LENG8: variants seen among roughly 807,000 people sequenced by gnomAD.
LENG8 encodes the protein leukocyte receptor cluster member 8, also known as leukocyte receptor cluster (LRC) member 8.
A neutral mutation model predicts 102.1 loss-of-function variants in LENG8; 28 were observed. The ratio of observed to expected loss-of-function variants is 0.27; its 90% CI spans 0.20 to 0.38. The LOEUF (loss-of-function observed/expected upper bound fraction) is 0.38, where lower values mean the gene tolerates loss of function less well. Among genes scored for constraint, LENG8 ranks in the 10% least tolerant of loss-of-function variants. The probability of loss-of-function intolerance (pLI) is 1.00; values close to 1 mark genes in which losing one functional copy is unlikely to be tolerated. For synonymous variants in LENG8, 531 were observed against 456.7 expected (o/e 1.16, Z -2.07); for missense variants, 1,022 against 1,113.9 (o/e 0.92, Z 1.17).
At chr19:54,450,443 TTCTTC>T (rs1215304342) in intron 1 of LENG8, among the ~76,000 whole-genome samples, 7 of 152,016 alleles carry the variant, frequency 4.6e-5, no homozygotes, top group Admixed American at 6.6e-5. Context: ...TCTCAAAATT[TTCTTC>T]TCTTCTCCAA....
In LENG8 at chr19:54,461,078, C is replaced by G; in HGVS notation, c.*150C>G. 8.5e-7 allele frequency: 1 copy of G among 1,172,492 alleles called. No homozygotes were observed. The highest frequency in any genetic ancestry group is 1.2e-6 in the Non-Finnish European group (1 of 825,698). 72.6% of individuals were successfully genotyped at this position (1,172,492 alleles called of 1,614,324 possible). A position where few individuals can be genotyped will look rare whatever the true frequency, so the allele number is the denominator to read the frequency against. On this transcript the variant is annotated 3_prime_UTR_variant, in exon 16 of 16. Coordinates refer to ENST00000326764, the MANE Select transcript of LENG8 (RefSeq NM_052925.4). The stretch of plus-strand genomic sequence containing the variant: ...ACCATCCCTGCCCCCGTTTTCCCAC[C>G]GGGGAGTCTGTACAGAGATTTTTCT...
rs2084566694 is a variant in LENG8, at chr19:54,461,621, A to G, written c.*693A>G. 2 of 470,710 alleles carry G rather than the reference A, an allele frequency of 4.2e-6. No homozygotes were observed. The highest frequency in any genetic ancestry group is 2.0e-5 in the African/African-American group (1 of 49,102). The allele number at this position is 470,710 out of a possible 1,614,324, so 29.2% of individuals were successfully genotyped here. A position where few individuals can be genotyped will look rare whatever the true frequency, so the allele number is the denominator to read the frequency against. On this transcript the variant is annotated 3_prime_UTR_variant, in exon 16 of 16. Transcript: ENST00000326764. Reference sequence around the variant, plus strand: ...CCCTCTGCCCCCAGTGTTTCTTCTGATTTTTTTTTCCCCTTTCCCTCCCTC... The same window carrying G: ...CCCTCTGCCCCCAGTGTTTCTTCTGGTTTTTTTTTCCCCTTTCCCTCCCTC...
chr19:54,451,051 C>A (rs1422781250), intron 1 of LENG8, among the ~76,000 whole-genome samples: 1 of 152,150 alleles, frequency 6.6e-6, no homozygotes, highest in Non-Finnish European at 1.5e-5. Flanking sequence ...GCTCTGGCTT[C>A]CCTGTTTCCA....
At position 54,461,375 on chromosome 19, in the gene LENG8, C is replaced by T. The variant is rs1027800335; in HGVS notation, c.*447C>T. 30 of 458,526 alleles carry T rather than the reference C, an allele frequency of 6.5e-5. 1 individual carries two copies. Among genetic ancestry groups the T allele is most frequent in the African/African-American group, 1.6e-4 (8 of 50,302 alleles). 28.4% of individuals were successfully genotyped at this position (458,526 alleles called of 1,614,324 possible). A position where few individuals can be genotyped will look rare whatever the true frequency, so the allele number is the denominator to read the frequency against. ...GCACCCAGCAAGCCCGCCCACCGCC[C>T]GCTGCCTCACCTGCTTCGCCACAGA... On this transcript the variant is annotated 3_prime_UTR_variant, in exon 16 of 16. Transcript: ENST00000326764.
At chr19:54,459,589 G>C (rs866236230) in intron 15 of LENG8, 1 of 989,946 alleles carries the variant, frequency 1.0e-6, no homozygotes, top group South Asian at 4.6e-5. Context: ...GGCCCTCCAC[G>C]TGAGGTCATG....
At chr19:54,460,442 G>C (rs112395989) in intron 15 of LENG8, 7 of 1,280,730 alleles carry the variant, frequency 5.5e-6, no homozygotes, top group Middle Eastern at 6.2e-4. Flanking sequence ...CCCATCCCCT[G>C]CCACGTGCTG....
chr19:54,456,121 C>T lies in LENG8; in HGVS notation c.1180C>T (p.Arg394Trp), dbSNP rs149129915. 26 of 1,610,548 alleles carry T rather than the reference C, an allele frequency of 1.6e-5. No individual in the cohort carries two copies. Among genetic ancestry groups the T allele is most frequent in the African/African-American group, 6.7e-5 (5 of 74,962 alleles). Residue 394 changes from arginine to tryptophan, a missense_variant, in exon 9 of 16, where the codon CGG becomes TGG. Coordinates refer to ENST00000326764, the MANE Select transcript of LENG8 (RefSeq NM_052925.4). ...TPGAGGAGRA[R>W]GNSFTKFGNR... ...CGGGGCTGGGGGTGCCGGTCGAGCC[C>T]GGGGCAACAGCTTCACCAAGTTTGG...
Position 54,455,517 on chromosome 19 carries a change from G to A in LENG8, c.975G>A (p.Leu325=). 1 of 1,613,846 alleles carries A rather than the reference G, an allele frequency of 6.2e-7. No homozygotes were observed. ...KLLKEVLQAR[L]QDGSAYTIDW... Reference sequence around the variant, plus strand: ...TCAAGGAGGTGCTGCAGGCGCGGCTGCAGGACGGCTCGGCCTATACCATTG... The same window carrying A: ...TCAAGGAGGTGCTGCAGGCGCGGCTACAGGACGGCTCGGCCTATACCATTG... Residue 325 remains leucine, a synonymous_variant, in exon 8 of 16, where the codon CTG becomes CTA. Transcript: ENST00000326764.
intron 15 of LENG8, 154 bp from the exon 16 acceptor site, chr19:54,460,610 CCT>C (rs754315332): frequency 6.7e-4 from 954 of 1,429,830 alleles, no homozygotes; most frequent in Non-Finnish European, 8.2e-4. Context: ...CCCCCGAGCC[CCT>C]GAGGTGGGGA....
intron 6 of LENG8, 28 bp downstream of exon 6, chr19:54,454,710 C>T (rs3813147): frequency 5.8e-5 from 90 of 1,563,188 alleles, no homozygotes; most frequent in Non-Finnish European, 7.0e-5. Flanking sequence ...CGTGGAGGTC[C>T]GAGCGGTTGG....
At chr19:54,460,050 C>G (rs3745437) in intron 15 of LENG8, 2 of 1,287,042 alleles carry the variant, frequency 1.6e-6, no homozygotes, top group Non-Finnish European at 2.0e-6. Context: ...CACCTTCCCC[C>G]CAAGGAGGCT....
rs976284644 is a variant in LENG8, at chr19:54,452,088, T to C, written c.39-5T>C. ...GGTGTGACTTGATGTCCTCTCTCTC[T>C]GCAGGTCTTCTCAGTACAGCATGGT... is the stretch of plus-strand genomic sequence containing the variant. On this transcript the variant is annotated splice_polypyrimidine_tract_variant and splice_region_variant and intron_variant, in intron 2 of 15. Transcript: ENST00000326764. 1.2e-6 allele frequency: 2 copies of C among 1,606,810 alleles called. No homozygotes were observed. Among genetic ancestry groups the C allele is most frequent in the Non-Finnish European group, 1.7e-6 (2 of 1,174,402 alleles).
At chr19:54,450,917 G>T (rs1009512140) in intron 1 of LENG8, among the ~76,000 whole-genome samples, 8 of 152,126 alleles carry the variant, frequency 5.3e-5, no homozygotes, top group African/African-American at 1.2e-4. Context: ...ACCGCGCCTG[G>T]CCCCTAGAAT....
At position 54,453,612 on chromosome 19, in the gene LENG8, C is replaced by T. The variant is rs2084068935; in HGVS notation, c.382C>T (p.Pro128Ser). 1 of 1,613,968 alleles carries T rather than the reference C, an allele frequency of 6.2e-7. No individual in the cohort carries two copies. The highest frequency in any genetic ancestry group is 8.5e-7 in the Non-Finnish European group (1 of 1,179,976). ...GMAGSYGSAT[P>S]QQPSAPQHQG... The stretch of plus-strand genomic sequence containing the variant: ...GGCCGGCTCCTATGGCTCAGCCACA[C>T]CCCAGCAGCCATCCGCACCCCAACA... Residue 128 changes from proline (P) to serine (S), a missense_variant, in exon 5 of 16, where the codon CCC becomes TCC. By Grantham distance (74) the Pro-to-Ser change is moderately conservative. Around this residue, in one of 7 missense-constraint regions of LENG8, gnomAD observed 343 missense variants for 320.2 expected, o/e 1.07. Coordinates refer to ENST00000326764, the MANE Select transcript of LENG8 (RefSeq NM_052925.4).
At chr19:54,451,818 C>G (rs2083975123) in intron 2 of LENG8, among the ~76,000 whole-genome samples, 1 of 152,164 alleles carries the variant, frequency 6.6e-6, no homozygotes, top group Non-Finnish European at 1.5e-5. Flanking sequence ...GTGTTCAGTT[C>G]TGTGGGTTCT....
chr19:54,457,676 C>T, intron 11 of LENG8, 71 bp from the exon 12 acceptor site: 1 of 1,088,228 alleles, frequency 9.2e-7, no homozygotes, highest in Admixed American at 1.7e-5. Flanking sequence ...ACTCTCCCAC[C>T]AAATAAGTGG....
chr19:54,454,406 C>T, intron 5 of LENG8, 24 bp from the exon 6 acceptor site: 3 of 1,577,318 alleles, frequency 1.9e-6, no homozygotes, highest in Non-Finnish European at 2.6e-6. Flanking sequence ...GCCTCCCGTG[C>T]TCAGCGCCTG....
Position 54,454,648 on chromosome 19 carries a change from C to G in LENG8, c.645C>G (p.Pro215=). 3 of 1,605,572 alleles carry G rather than the reference C, an allele frequency of 1.9e-6. No individual in the cohort carries two copies. The highest frequency in any genetic ancestry group is 2.5e-6 in the Non-Finnish European group (3 of 1,177,988). The change falls in exon 6 of 16, where the codon CCC becomes CCG. Residue 215 remains proline (P), a synonymous_variant. Coordinates refer to ENST00000326764, the MANE Select transcript of LENG8 (RefSeq NM_052925.4). ...GPHTYTEPAK[P]KKGQQLWNRM... ...ACACCTACACCGAACCTGCCAAGCC[C>G]AAGAAGGGCCAACAGCTGTGGAACC...
rs200329118 is a variant in LENG8, at chr19:54,456,053, C to T, written c.1112C>T (p.Ser371Leu). The change falls in exon 9 of 16, where the codon TCG becomes TTG. Residue 371 changes from serine to leucine, a missense_variant. Ser to Leu is a moderately radical substitution (Grantham distance 145). This residue lies in a region of LENG8 where 326 missense variants were observed against 324.5 expected (regional missense o/e 1.00). Coordinates refer to ENST00000326764, the MANE Select transcript of LENG8 (RefSeq NM_052925.4). ...SSLHPPRGAG[S>L]ATRGGGAPSQ... ...CTTCACCCTCCTAGAGGGGCAGGCTCGGCGACAAGGGGCGGGGGTGCCCCG... is the reference window on the plus strand; with the variant it reads ...CTTCACCCTCCTAGAGGGGCAGGCTTGGCGACAAGGGGCGGGGGTGCCCCG... 8.1e-5 allele frequency: 130 copies of T among 1,611,442 alleles called. No individual in the cohort carries two copies. The highest frequency in any genetic ancestry group is 2.2e-4 in the East Asian group (10 of 44,790).
Sources: gnomAD v4.1 joint callset for allele counts (sites outside exome capture counted in the v4.1 genomes callset) on GRCh38, gnomAD v4.1.1 for gene constraint, gnomAD v4.1.1 regional missense constraint, MANE v1.5 for transcripts, NCBI Gene and HGNC (gene_info 2026-07-23, HGNC 2026-07-21) for gene names.